L3MBTL4: variants seen among roughly 807,000 people sequenced by gnomAD.
L3MBTL4 encodes lethal(3)malignant brain tumor-like protein 4.
In L3MBTL4, 70 loss-of-function variants were observed where a neutral mutation model predicts 84.5. That is an observed-to-expected ratio of 0.83 (90% CI 0.68 to 1.01). The LOEUF is 1.01. Ranked by LOEUF, L3MBTL4 falls within the 50% of genes least tolerant of loss-of-function variation. The pLI, the probability that L3MBTL4 is intolerant of heterozygous loss-of-function variation, is 0.00. For synonymous variants in L3MBTL4, 274 were observed against 259.8 expected (o/e 1.05, Z -0.52); for missense variants, 715 against 754.8 (o/e 0.95, Z 0.62).
At chr18:6,041,704 T>C (rs1397689457) in intron 16 of L3MBTL4, among the ~76,000 whole-genome samples, 3 of 152,120 alleles carry the variant, frequency 2.0e-5, no homozygotes, top group African/African-American at 7.2e-5. Flanking sequence ...TGCTTTTCTA[T>C]GCGCCCAGTG....
In L3MBTL4 at chr18:6,323,638, T is replaced by A. The variant is rs115366916; in HGVS notation, c.-90-11582A>T. Among the ~76,000 whole-genome samples the A allele has an allele frequency of 5.8e-3, 888 of 152,300 alleles. 8 individuals are homozygous for A. The highest frequency in any genetic ancestry group is 0.021 in the African/African-American group (856 of 41,576). Reference sequence around the variant, plus strand: ...CCTAAGGAGCAAAGCCTTCAAGAGGTGGCCTGGCTGCTTCTAACAGCCTAG... The same window carrying A: ...CCTAAGGAGCAAAGCCTTCAAGAGGAGGCCTGGCTGCTTCTAACAGCCTAG... On this transcript the variant is annotated intron_variant, in intron 1 of 18. Coordinates refer to ENST00000317931, the MANE Select transcript of L3MBTL4 (RefSeq NM_001330559.2).
At chr18:6,157,137 A>AC (rs1393066320) in intron 13 of L3MBTL4, among the ~76,000 whole-genome samples, 1 of 152,180 alleles carries the variant, frequency 6.6e-6, no homozygotes, top group Non-Finnish European at 1.5e-5. Context: ...GAAAATAGCT[A>AC]CCTTTTTAAA....
At chr18:6,242,654 G>C (rs2047500251) in intron 7 of L3MBTL4, among the ~76,000 whole-genome samples, 1 of 152,098 alleles carries the variant, frequency 6.6e-6, no homozygotes, top group Admixed American at 6.5e-5. Flanking sequence ...CACAGACATC[G>C]AACAGTCTGA....
At position 6,022,123 on chromosome 18, in the gene L3MBTL4, G is replaced by A. The variant is rs2055301235; in HGVS notation, c.1445-52561C>T. 2.6e-5 allele frequency among the ~76,000 whole-genome samples: 4 copies of A among 152,206 alleles called. No individual in the cohort carries two copies. In the South Asian group the frequency reaches 6.2e-4, roughly 24 times the overall value. ...TCAGCCTTTCTCAAATTAGCCTCAT[G>A]ATCTTCACTGTACAATCTATTTCTC... On this transcript the variant is annotated intron_variant, in intron 16 of 18. Transcript: ENST00000317931.
intron 12 of L3MBTL4, among the ~76,000 whole-genome samples, chr18:6,194,388 C>A (rs2045280144): frequency 6.6e-6 from 1 of 152,190 alleles, no homozygotes; most frequent in Non-Finnish European, 1.5e-5. Context: ...GGAATGAACA[C>A]AACATGTAGG....
intron 16 of L3MBTL4, among the ~76,000 whole-genome samples, chr18:6,028,330 A>G (rs532397521): frequency 6.6e-5 from 10 of 152,288 alleles, no homozygotes; most frequent in African/African-American, 2.4e-4. Context: ...AGGTTTGTTG[A>G]AGATCAAATG....
intron 4 of L3MBTL4, among the ~76,000 whole-genome samples, chr18:6,295,120 A>T (rs1172752179): frequency 2.6e-5 from 4 of 151,992 alleles, no homozygotes; most frequent in Non-Finnish European, 5.9e-5. Context: ...AAAAATACAA[A>T]AATTATCTGG....
intron 15 of L3MBTL4, among the ~76,000 whole-genome samples, chr18:6,083,329 G>A (rs1204998905): frequency 6.6e-6 from 1 of 152,266 alleles, no homozygotes; most frequent in Admixed American, 6.5e-5. Context: ...AACGTGGGAC[G>A]GGGAAGTGTT....
At chr18:5,998,473 CTG>C (rs1231887516) in intron 16 of L3MBTL4, among the ~76,000 whole-genome samples, 1 of 152,160 alleles carries the variant, frequency 6.6e-6, no homozygotes, top group Non-Finnish European at 1.5e-5. Context: ...TTCAGGAAGG[CTG>C]TCTGCTTGCT....
At chr18:5,959,494 C>G (rs1323495581) in intron 18 of L3MBTL4, among the ~76,000 whole-genome samples, 1 of 152,118 alleles carries the variant, frequency 6.6e-6, no homozygotes, top group African/African-American at 2.4e-5. Flanking sequence ...GATACTAATT[C>G]CAGGAAATAT....
intron 16 of L3MBTL4, among the ~76,000 whole-genome samples, chr18:6,026,391 A>G (rs1275423949): frequency 6.6e-6 from 1 of 152,206 alleles, no homozygotes; most frequent in Non-Finnish European, 1.5e-5. Flanking sequence ...TTGTATTTGT[A>G]TTATTCAACA....
At chr18:6,207,251 A>G (rs2045915048) in intron 12 of L3MBTL4, among the ~76,000 whole-genome samples, 1 of 152,318 alleles carries the variant, frequency 6.6e-6, no homozygotes, top group East Asian at 1.9e-4. Flanking sequence ...AAAGCCTGAA[A>G]TATTTACTCT....
intron 16 of L3MBTL4, among the ~76,000 whole-genome samples, chr18:6,058,333 C>G (rs367786953): frequency 1.8e-4 from 28 of 152,186 alleles, no homozygotes; most frequent in Non-Finnish European, 3.4e-4. Context: ...CTACCTAACA[C>G]TTTTGCTGCA....
In L3MBTL4 at chr18:6,411,228, T is replaced by C. The variant is rs967838986; in HGVS notation, c.-91+3573A>G. On this transcript the variant is annotated intron_variant, in intron 1 of 18. Transcript: ENST00000317931. ...TTGCTTAAGTACAAGATGCCGATAT[T>C]TATACTGCTTGCTGTTATTCACTGT... is the stretch of plus-strand genomic sequence containing the variant. 2.6e-5 allele frequency among the ~76,000 whole-genome samples: 4 copies of C among 152,062 alleles called. No homozygotes were observed. The East Asian group carries it at 7.7e-4, about 29-fold the overall frequency.
At chr18:5,996,088 T>A (rs1283255948) in intron 16 of L3MBTL4, among the ~76,000 whole-genome samples, 1 of 152,252 alleles carries the variant, frequency 6.6e-6, no homozygotes, top group South Asian at 2.1e-4. Flanking sequence ...ACAAAAGACA[T>A]CATTCTATTT....
intron 14 of L3MBTL4, among the ~76,000 whole-genome samples, chr18:6,104,122 C>A (rs867277595): frequency 7.2e-5 from 11 of 152,112 alleles, no homozygotes; most frequent in Non-Finnish European, 1.5e-4. Context: ...AAACTGGAAC[C>A]CTTCTGGTGA....
In L3MBTL4 at chr18:6,279,371, C is replaced by T. The variant is rs564329095; in HGVS notation, c.128-15333G>A. On this transcript the variant is annotated intron_variant, in intron 4 of 18. Transcript: ENST00000317931. Reference sequence around the variant, plus strand: ...GGAGAAGGAGAGGAAATAGTCAACACCTCACTTGAACGTCAGATGGGTGAA... The same window carrying T: ...GGAGAAGGAGAGGAAATAGTCAACATCTCACTTGAACGTCAGATGGGTGAA... Among the ~76,000 whole-genome samples, 3 of 152,164 alleles carry T rather than the reference C, an allele frequency of 2.0e-5. No individual in the cohort carries two copies. In the East Asian group the frequency reaches 5.8e-4, roughly 29 times the overall value.
intron 16 of L3MBTL4, among the ~76,000 whole-genome samples, chr18:6,007,035 A>G (rs77071806): frequency 0.019 from 2,847 of 152,304 alleles, 99 homozygotes; most frequent in African/African-American, 0.065. Flanking sequence ...CATGGAAAAG[A>G]TCTCTCTATG....
intron 10 of L3MBTL4, among the ~76,000 whole-genome samples, chr18:6,224,720 A>G (rs1376289825): frequency 6.6e-6 from 1 of 152,056 alleles, no homozygotes; most frequent in East Asian, 1.9e-4. Flanking sequence ...AGTCCTAGTT[A>G]TGTTATTTGG....
Sources: allele counts gnomAD v4.1 joint callset (sites outside exome capture counted in the v4.1 genomes callset), GRCh38; gene constraint gnomAD v4.1.1; transcripts MANE v1.5; gene names NCBI Gene and HGNC (gene_info 2026-07-23, HGNC 2026-07-21).